Variants in AP1AR observed in about 807,000 individuals in gnomAD.
AP1AR encodes the protein AP-1 complex-associated regulatory protein.
In AP1AR, 29 loss-of-function variants were observed where a neutral mutation model predicts 46.3. The ratio of observed to expected loss-of-function variants is 0.63; its 90% confidence interval spans 0.47 to 0.85. AP1AR has a LOEUF of 0.85. Among genes scored for constraint, AP1AR ranks in the 40% least tolerant of loss-of-function variants. The pLI, the probability that AP1AR is intolerant of heterozygous loss-of-function variation, is 0.00. For synonymous variants in AP1AR, 122 were observed against 122.9 expected, an observed-to-expected ratio of 0.99 and a Z score of 0.05; for missense variants, 357 against 356.3, an observed-to-expected ratio of 1.00 and a Z score of -0.02.
chr4:112,260,731 TTTTTTC>T, intron 4 of AP1AR, 29 bp from the exon 5 acceptor site: 1 of 1,438,930 alleles, frequency 6.9e-7, no homozygotes, highest in Non-Finnish European at 9.4e-7. Context: ...GAAGTTTTTG[TTTTTTC>T]TTTTTCTCCT....
intron 1 of AP1AR, among the ~76,000 whole-genome samples, chr4:112,252,221 A>G (rs1424252933): frequency 6.6e-6 from 1 of 152,224 alleles, no homozygotes; most frequent in Non-Finnish European, 1.5e-5. Flanking sequence ...CTTGGGTGAC[A>G]GAGTAAGACC....
At chr4:112,248,640 G>A (rs1160712368) in intron 1 of AP1AR, among the ~76,000 whole-genome samples, 1 of 152,132 alleles carries the variant, frequency 6.6e-6, no homozygotes, top group Non-Finnish European at 1.5e-5. Context: ...ATTTGAAAAG[G>A]TTCATGATAA....
intron 2 of AP1AR, among the ~76,000 whole-genome samples, chr4:112,253,845 T>A (rs1726069422): frequency 6.6e-6 from 1 of 152,162 alleles, no homozygotes; most frequent in African/African-American, 2.4e-5. Context: ...TGGCAAAACC[T>A]AAATTCTAGT....
At chr4:112,262,221 G>A (rs933291755) in intron 5 of AP1AR, among the ~76,000 whole-genome samples, 1 of 152,070 alleles carries the variant, frequency 6.6e-6, no homozygotes, top group African/African-American at 2.4e-5. Flanking sequence ...GGCTGAGGTG[G>A]GAGAATGGTT....
intron 1 of AP1AR, among the ~76,000 whole-genome samples, chr4:112,233,996 C>G (rs1725137352): frequency 1.3e-5 from 2 of 152,172 alleles, no homozygotes. Context: ...GTAGCTGGGA[C>G]TGCAGGCGCC....
At chr4:112,241,864 T>G (rs546652642) in intron 1 of AP1AR, among the ~76,000 whole-genome samples, 1 of 152,326 alleles carries the variant, frequency 6.6e-6, no homozygotes. Flanking sequence ...TTGCCAGGCA[T>G]TAGATTTATA....
intron 1 of AP1AR, 110 bp from the exon 2 acceptor site, chr4:112,253,098 T>G: frequency 1.4e-6 from 1 of 718,340 alleles, no homozygotes; most frequent in East Asian, 3.0e-5. Flanking sequence ...TATAACTATA[T>G]GTTAGAGATT....
intron 1 of AP1AR, among the ~76,000 whole-genome samples, chr4:112,234,199 GTTCAGATTTTTA>G (rs1725146364): frequency 6.6e-6 from 1 of 152,200 alleles, no homozygotes; most frequent in Non-Finnish European, 1.5e-5. Flanking sequence ...TTGCTTTGGA[GTTCAGATTTTTA>G]TTCAGATTTT....
intron 9 of AP1AR, among the ~76,000 whole-genome samples, chr4:112,267,632 T>G (rs1305365712): frequency 2.0e-5 from 3 of 151,932 alleles, no homozygotes; most frequent in Non-Finnish European, 2.9e-5. Context: ...AGCTATAGAA[T>G]GAGAATAATG....
chr4:112,232,210 C>T (rs374719858), intron 1 of AP1AR, 36 bp downstream of exon 1: 20 of 1,261,372 alleles, frequency 1.6e-5, no homozygotes, highest in Non-Finnish European at 2.0e-5. Context: ...GCCCCCGTGG[C>T]TCCTCCTCTT....
At chr4:112,253,081 T>G in intron 1 of AP1AR, 127 bp from the exon 2 acceptor site, 1 of 614,856 alleles carries the variant, frequency 1.6e-6, no homozygotes, top group Non-Finnish European at 2.6e-6. Flanking sequence ...TGTTCTTTTT[T>G]TATAAATATA....
At chr4:112,268,025 A>G in intron 9 of AP1AR, 119 bp from the exon 10 acceptor site, 1 of 1,045,796 alleles carries the variant, frequency 9.6e-7, no homozygotes, top group South Asian at 2.2e-5. Context: ...TGGGTCTTTA[A>G]GTTAATTCAC....
At chr4:112,252,753 A>G (rs1174498321) in intron 1 of AP1AR, among the ~76,000 whole-genome samples, 2 of 152,216 alleles carry the variant, frequency 1.3e-5, no homozygotes, top group African/African-American at 4.8e-5. Context: ...TCCACCACCA[A>G]AGATAACTAC....
At chr4:112,250,764 A>G (rs952055402) in intron 1 of AP1AR, among the ~76,000 whole-genome samples, 5 of 152,210 alleles carry the variant, frequency 3.3e-5, no homozygotes, top group African/African-American at 9.7e-5. Context: ...CAAAGTCTCA[A>G]TCTAATCCAT....
intron 5 of AP1AR, among the ~76,000 whole-genome samples, chr4:112,262,459 C>T (rs923328564): frequency 6.6e-6 from 1 of 152,140 alleles, no homozygotes; most frequent in Non-Finnish European, 1.5e-5. Flanking sequence ...ACTAAAGCAG[C>T]TTATGTGCTC....
intron 1 of AP1AR, among the ~76,000 whole-genome samples, chr4:112,245,570 A>G (rs766286502): frequency 6.6e-6 from 1 of 152,252 alleles, no homozygotes; most frequent in African/African-American, 2.4e-5. Flanking sequence ...GCCACATTTC[A>G]GTTGCTCAAT....
chr4:112,241,112 G>A (rs1725478863), intron 1 of AP1AR, among the ~76,000 whole-genome samples: 1 of 152,130 alleles, frequency 6.6e-6, no homozygotes, highest in Admixed American at 6.5e-5. Context: ...TTATGTCTTT[G>A]ACATGTTTGG....
At position 112,232,163 on chromosome 4, in the gene AP1AR, C is replaced by G. The variant is rs1725033797; in HGVS notation, c.72C>G (p.Gly24=). 8.6e-6 allele frequency: 11 copies of G among 1,282,270 alleles called. No individual in the cohort carries two copies. The South Asian group carries it at 1.9e-4, about 22-fold the overall frequency. The allele number at this position is 1,282,270 out of a possible 1,614,324, so 79.4% of individuals were successfully genotyped here. A position where few individuals can be genotyped will look rare whatever the true frequency, so the allele number is the denominator to read the frequency against. ...AAGCGGGGCGGCTGCAGCGAGTAGG[C>G]GGCGGCGGAGGGTAAGCCCGCTGGG... ...RKEAGRLQRV[G]GGGGSKYFRT... The change falls in exon 1 of 10, where the codon GGC becomes GGG. Residue 24 remains glycine, a synonymous_variant. Coordinates refer to ENST00000274000, the MANE Select transcript of AP1AR (RefSeq NM_018569.6).
intron 1 of AP1AR, among the ~76,000 whole-genome samples, chr4:112,250,791 G>T (rs1380514937): frequency 6.6e-6 from 1 of 152,090 alleles, no homozygotes; most frequent in African/African-American, 2.4e-5. Flanking sequence ...AGGAAAGCTT[G>T]AATTTTTTCC....
Sources: allele counts gnomAD v4.1 joint callset (sites outside exome capture counted in the v4.1 genomes callset), GRCh38; gene constraint gnomAD v4.1.1; transcripts MANE v1.5; gene names NCBI Gene and HGNC (gene_info 2026-07-23, HGNC 2026-07-21).